The following FOXN3 variants were observed in gnomAD, a reference collection of about 807,000 sequenced individuals.
FOXN3 encodes the protein forkhead box protein N3.
Under a neutral mutation model 38.4 loss-of-function variants are expected in FOXN3, and 7 were observed. The observed-to-expected ratio is 0.18, with a 90% confidence interval of 0.10 to 0.34. FOXN3 has a LOEUF of 0.34. Among genes scored for constraint, FOXN3 ranks in the 10% least tolerant of loss-of-function variants. The pLI is 1.00. For missense variants in FOXN3, 456 were observed against 613.4 expected (o/e 0.74, Z 2.71); for synonymous variants, 230 against 242.2 (o/e 0.95, Z 0.47).
intron 3 of FOXN3, among the ~76,000 whole-genome samples, chr14:89,308,624 C>G (rs557114524): frequency 6.6e-6 from 1 of 152,274 alleles, no homozygotes; most frequent in South Asian, 2.1e-4. Context: ...CAGAATCTGG[C>G]CCCAGAACTG....
At chr14:89,461,095 A>G (rs1432486816) in intron 1 of FOXN3, among the ~76,000 whole-genome samples, 1 of 151,784 alleles carries the variant, frequency 6.6e-6, no homozygotes, top group Non-Finnish European at 1.5e-5. Context: ...GCACTTTGGG[A>G]GGCCGAGGCA....
At chr14:89,211,463 C>T (rs1056247244) in intron 4 of FOXN3, among the ~76,000 whole-genome samples, 1 of 152,158 alleles carries the variant, frequency 6.6e-6, no homozygotes, top group Non-Finnish European at 1.5e-5. Flanking sequence ...CTGATGACCA[C>T]CCAAACAAAA....
At chr14:89,346,175 T>A (rs1029784353) in intron 3 of FOXN3, among the ~76,000 whole-genome samples, 28 of 152,350 alleles carry the variant, frequency 1.8e-4, no homozygotes, top group African/African-American at 4.1e-4. Flanking sequence ...TTTCCTTATC[T>A]ACTCATAGGT....
intron 4 of FOXN3, among the ~76,000 whole-genome samples, chr14:89,258,761 AACC>A (rs1448481067): frequency 6.6e-6 from 1 of 152,200 alleles, no homozygotes; most frequent in Non-Finnish European, 1.5e-5. Flanking sequence ...GCTTCTTCTA[AACC>A]ACATTTGTGA....
intron 2 of FOXN3, among the ~76,000 whole-genome samples, chr14:89,392,111 C>T (rs1890964814): frequency 6.6e-6 from 1 of 152,162 alleles, no homozygotes; most frequent in Admixed American, 6.5e-5. Flanking sequence ...AATGTGAACC[C>T]AGTTAGGTTT....
intron 4 of FOXN3, among the ~76,000 whole-genome samples, chr14:89,263,159 A>G (rs1005892431): frequency 1.3e-4 from 20 of 152,240 alleles, no homozygotes; most frequent in Admixed American, 1.3e-3. Flanking sequence ...TTTAACCATC[A>G]AGATATTATG....
intron 3 of FOXN3, among the ~76,000 whole-genome samples, chr14:89,346,835 T>C (rs565194262): frequency 3.4e-4 from 52 of 152,354 alleles, no homozygotes; most frequent in Admixed American, 2.3e-3. Flanking sequence ...TTCTCTCATT[T>C]ATTTGTTTGT....
intron 2 of FOXN3, among the ~76,000 whole-genome samples, chr14:89,381,126 A>C (rs1890632516): frequency 8.3e-6 from 1 of 120,112 alleles, no homozygotes. Context: ...TGGGCAACAG[A>C]GTGAGACTCC....
At chr14:89,221,475 T>A (rs1292277263) in intron 4 of FOXN3, among the ~76,000 whole-genome samples, 2 of 152,238 alleles carry the variant, frequency 1.3e-5, no homozygotes, top group Non-Finnish European at 2.9e-5. Flanking sequence ...TTGGTTACAG[T>A]CAGATTTGTG....
intron 4 of FOXN3, among the ~76,000 whole-genome samples, chr14:89,213,074 C>T (rs1566930418): frequency 6.6e-6 from 1 of 152,160 alleles, no homozygotes; most frequent in South Asian, 2.1e-4. Context: ...TCCTGGCTGC[C>T]AGCTAAGGCC....
At chr14:89,282,206 C>T (rs760746336) in intron 3 of FOXN3, among the ~76,000 whole-genome samples, 3 of 152,170 alleles carry the variant, frequency 2.0e-5, no homozygotes, top group Non-Finnish European at 4.4e-5. Context: ...CACAAAAATG[C>T]TATCCCACAT....
At chr14:89,369,840 G>C (rs1324580018) in intron 2 of FOXN3, among the ~76,000 whole-genome samples, 1 of 152,198 alleles carries the variant, frequency 6.6e-6, no homozygotes, top group Non-Finnish European at 1.5e-5. Flanking sequence ...CATGAGATTT[G>C]GGTGGGGACA....
At chr14:89,575,529 T>A (rs1895591472) in intron 1 of FOXN3, among the ~76,000 whole-genome samples, 1 of 152,124 alleles carries the variant, frequency 6.6e-6, no homozygotes, top group South Asian at 2.1e-4. Context: ...AAAAACCCAG[T>A]CTGCAACTCA....
intron 5 of FOXN3, among the ~76,000 whole-genome samples, chr14:89,178,175 T>C (rs1160390830): frequency 6.9e-6 from 1 of 144,202 alleles, no homozygotes; most frequent in African/African-American, 2.5e-5. Context: ...CCCAGGTCAT[T>C]TTTTTTTTTT....
At chr14:89,252,154 A>G (rs1487022337) in intron 4 of FOXN3, among the ~76,000 whole-genome samples, 4 of 152,240 alleles carry the variant, frequency 2.6e-5, no homozygotes, top group African/African-American at 9.6e-5. Flanking sequence ...ATGAAGAAAC[A>G]GAGATTAAGT....
At chr14:89,211,169 G>A (rs1423302974) in intron 4 of FOXN3, among the ~76,000 whole-genome samples, 1 of 152,214 alleles carries the variant, frequency 6.6e-6, no homozygotes, top group Admixed American at 6.5e-5. Context: ...ACGTTTCACT[G>A]TGCAGTTTTT....
chr14:89,433,271 C>A (rs573283842), intron 1 of FOXN3, among the ~76,000 whole-genome samples: 1 of 152,260 alleles, frequency 6.6e-6, no homozygotes, highest in Admixed American at 6.5e-5. Context: ...ATCACAACGT[C>A]AGGAGTTCAA....
At chr14:89,350,450 C>T in intron 3 of FOXN3, 2 of 383,272 alleles carry the variant, frequency 5.2e-6, no homozygotes, top group Non-Finnish European at 4.6e-6. Flanking sequence ...TTTCACCCAC[C>T]ATGAAGCCTT....
At chr14:89,541,330 G>C (rs1352805950) in intron 1 of FOXN3, among the ~76,000 whole-genome samples, 4 of 152,152 alleles carry the variant, frequency 2.6e-5, no homozygotes, top group Non-Finnish European at 5.9e-5. Context: ...CACAGGATGA[G>C]ACAGGAGGTC....
Sources: gnomAD v4.1 joint callset for allele counts (sites outside exome capture counted in the v4.1 genomes callset) on GRCh38, gnomAD v4.1.1 for gene constraint, MANE v1.5 for transcripts, NCBI Gene and HGNC (gene_info 2026-07-23, HGNC 2026-07-21) for gene names.